The following DAB1 variants were observed in gnomAD, a reference collection of about 807,000 sequenced individuals.
The protein encoded by DAB1 is disabled homolog 1.
In DAB1, 15 loss-of-function variants were observed where a neutral mutation model predicts 64.6. That is an observed-to-expected ratio of 0.23 (90% CI 0.16 to 0.36). The LOEUF is 0.36. Ranked by LOEUF, DAB1 falls within the 10% of genes least tolerant of loss-of-function variation. The pLI is 1.00. For synonymous variants in DAB1, 235 were observed against 251.9 expected, an observed-to-expected ratio of 0.93 and a Z score of 0.64; for missense variants, 596 against 706.7, an observed-to-expected ratio of 0.84 and a Z score of 1.78.
chr1:57,796,060 T>C (rs1406811091), intron 6 of DAB1, among the ~76,000 whole-genome samples: 1 of 152,040 alleles, frequency 6.6e-6, no homozygotes, highest in East Asian at 1.9e-4. Context: ...GCAGATAAAA[T>C]GTAATTTATT....
intron 7 of DAB1, among the ~76,000 whole-genome samples, chr1:57,583,645 G>A (rs895319720): frequency 6.6e-6 from 1 of 152,130 alleles, no homozygotes; most frequent in African/African-American, 2.4e-5. Flanking sequence ...GTAGCCCATG[G>A]GCCAGATTCA....
intron 5 of DAB1, among the ~76,000 whole-genome samples, chr1:57,946,204 T>C (rs574187573): frequency 1.3e-5 from 2 of 152,328 alleles, no homozygotes; most frequent in East Asian, 3.9e-4. Flanking sequence ...TTCAAAGAAG[T>C]CACAGATGCC....
chr1:57,441,833 G>A (rs1430868276), intron 7 of DAB1, among the ~76,000 whole-genome samples: 1 of 152,172 alleles, frequency 6.6e-6, no homozygotes, highest in East Asian at 1.9e-4. Context: ...CCAAATGGTA[G>A]CTCTCTTTTA....
chr1:57,051,085 A>C (rs1404197042), intron 9 of DAB1, among the ~76,000 whole-genome samples: 1 of 152,226 alleles, frequency 6.6e-6, no homozygotes, highest in African/African-American at 2.4e-5. Flanking sequence ...TGTTGCTGTT[A>C]ACTCCAAGAC....
intron 6 of DAB1, among the ~76,000 whole-genome samples, chr1:57,684,996 C>A (rs1266531803): frequency 6.6e-6 from 1 of 151,472 alleles, no homozygotes; most frequent in Non-Finnish European, 1.5e-5. Flanking sequence ...CTCTGTCACC[C>A]AGGCTGGAGT....
chr1:57,117,219 C>T (rs1004477142), intron 4 of DAB1, among the ~76,000 whole-genome samples: 3 of 152,166 alleles, frequency 2.0e-5, no homozygotes, highest in Admixed American at 6.6e-5. Context: ...TATAAAAAAG[C>T]GCTTTTCAAT....
chr1:57,451,320 G>C (rs1478867013), intron 7 of DAB1, among the ~76,000 whole-genome samples: 8 of 152,146 alleles, frequency 5.3e-5, no homozygotes, highest in Admixed American at 1.3e-4. Context: ...TTTAAGATTT[G>C]AACTTAAGTT....
intron 4 of DAB1, among the ~76,000 whole-genome samples, chr1:58,181,035 T>G (rs1360772816): frequency 2.6e-5 from 4 of 152,206 alleles, no homozygotes; most frequent in African/African-American, 9.6e-5. Flanking sequence ...TGATTTTCTT[T>G]CTAGTTGGCC....
chr1:57,790,815 A>G (rs1036201750), intron 6 of DAB1, among the ~76,000 whole-genome samples: 1 of 152,174 alleles, frequency 6.6e-6, no homozygotes, highest in African/African-American at 2.4e-5. Flanking sequence ...TATATGTTTG[A>G]GTTTGGGTTC....
intron 7 of DAB1, among the ~76,000 whole-genome samples, chr1:57,435,033 C>A (rs1402965601): frequency 7.3e-6 from 1 of 137,380 alleles, no homozygotes; most frequent in Non-Finnish European, 1.6e-5. Flanking sequence ...CTCTCTTTTT[C>A]TTTTCTTTTT....
chr1:57,494,289 C>T (rs1296664238), intron 7 of DAB1, among the ~76,000 whole-genome samples: 1 of 151,178 alleles, frequency 6.6e-6, no homozygotes, highest in Non-Finnish European at 1.5e-5. Flanking sequence ...TTTTCTCATT[C>T]TATTGAAGTT....
intron 9 of DAB1, among the ~76,000 whole-genome samples, chr1:57,039,462 A>T (rs1022237177): frequency 2.0e-5 from 3 of 152,126 alleles, no homozygotes; most frequent in Admixed American, 1.3e-4. Flanking sequence ...AGTTTAGGGA[A>T]GGGATGAAGT....
intron 5 of DAB1, among the ~76,000 whole-genome samples, chr1:57,919,127 C>T (rs1644774070): frequency 6.6e-6 from 1 of 152,090 alleles, no homozygotes. Flanking sequence ...GGAATATGCC[C>T]CCTTACTCTC....
intron 1 of DAB1, among the ~76,000 whole-genome samples, chr1:57,415,731 T>G (rs1226008712): frequency 6.6e-6 from 1 of 152,180 alleles, no homozygotes. Flanking sequence ...CATATAATAC[T>G]GCTCAGAATA....
chr1:58,530,035 A>G (rs1646410269), intron 1 of DAB1, among the ~76,000 whole-genome samples: 1 of 152,052 alleles, frequency 6.6e-6, no homozygotes, highest in Non-Finnish European at 1.5e-5. Context: ...CGCCCGCCAC[A>G]ACGCCAGGCT....
chr1:58,002,093 A>G lies in DAB1; in HGVS notation n.388-117931T>C, dbSNP rs142021998. Among the ~76,000 whole-genome samples the G allele has an allele frequency of 4.7e-4, 72 of 152,304 alleles. 2 individuals carry two copies. In the East Asian group the frequency reaches 0.014, roughly 29 times the overall value. ...CATTAATTCTAGCCCTGTGATACTG[A>G]TTTTGGACTTTTGGCCACCAGAATT... On this transcript the variant is annotated intron_variant and non_coding_transcript_variant, in intron 5 of 20. Transcript: ENST00000485760.
At chr1:58,376,652 T>G (rs1644330247) in intron 3 of DAB1, among the ~76,000 whole-genome samples, 1 of 143,344 alleles carries the variant, frequency 7.0e-6, no homozygotes, top group Non-Finnish European at 1.5e-5. Context: ...AAATGTATAT[T>G]CTGTTGATTT....
At chr1:57,559,497 C>T (rs115771656) in intron 7 of DAB1, among the ~76,000 whole-genome samples, 2,362 of 152,256 alleles carry the variant, frequency 0.016, 54 homozygotes, top group African/African-American at 0.054. Flanking sequence ...GAAAAGGAGA[C>T]GATCAGACAT....
intron 4 of DAB1, among the ~76,000 whole-genome samples, chr1:58,173,580 CAG>C (rs1463615952): frequency 6.6e-6 from 1 of 152,140 alleles, no homozygotes; most frequent in East Asian, 1.9e-4. Context: ...AAATAGAACA[CAG>C]GGAGCCACTC....
Sources: allele counts gnomAD v4.1 joint callset (sites outside exome capture counted in the v4.1 genomes callset), GRCh38; gene constraint gnomAD v4.1.1; transcripts MANE v1.5; gene names NCBI Gene and HGNC (gene_info 2026-07-23, HGNC 2026-07-21).